ST8SIA6: variants seen among roughly 807,000 people sequenced by gnomAD.
ST8SIA6 encodes alpha-2,8-sialyltransferase 8F.
Under a neutral mutation model 33.6 loss-of-function variants are expected in ST8SIA6, and 39 were observed. That is an observed-to-expected ratio of 1.16 (90% CI 0.90 to 1.52). The LOEUF (loss-of-function observed/expected upper bound fraction) is 1.52, where lower values mean the gene tolerates loss of function less well. ST8SIA6 is among the 40% of genes most tolerant of loss of function. ST8SIA6 has a pLI of 0.00. For synonymous variants in ST8SIA6, 172 were observed against 167.2 expected (o/e 1.03, Z -0.22); for missense variants, 441 against 443.8 (o/e 0.99, Z 0.06).
At chr10:17,437,661 C>T (rs1564464622) in intron 2 of ST8SIA6, among the ~76,000 whole-genome samples, 3 of 112,762 alleles carry the variant, frequency 2.7e-5, no homozygotes, top group African/African-American at 1.3e-4. Context: ...TTCCTTCCTT[C>T]CTTCTGTCTC....
intron 4 of ST8SIA6, among the ~76,000 whole-genome samples, chr10:17,343,040 C>T (rs1005358069): frequency 1.3e-5 from 2 of 152,202 alleles, no homozygotes; most frequent in South Asian, 2.1e-4. Context: ...CCTCAGTACT[C>T]CCAGAGCAAA....
chr10:17,334,330 G>C (rs752965572), intron 4 of ST8SIA6, among the ~76,000 whole-genome samples: 21 of 151,378 alleles, frequency 1.4e-4, no homozygotes, highest in Non-Finnish European at 2.9e-4. Context: ...ACGAGGTCAG[G>C]AGATCGAGAC....
chr10:17,343,771 G>A (rs1848747738), intron 4 of ST8SIA6, among the ~76,000 whole-genome samples: 2 of 152,124 alleles, frequency 1.3e-5, no homozygotes, highest in Admixed American at 1.3e-4. Flanking sequence ...CAGATAGAAC[G>A]TTCTACAGAA....
At chr10:17,359,185 G>A (rs1326429350) in intron 4 of ST8SIA6, among the ~76,000 whole-genome samples, 1 of 152,156 alleles carries the variant, frequency 6.6e-6, no homozygotes, top group Non-Finnish European at 1.5e-5. Context: ...TTAATACGAT[G>A]ACATTTTATT....
chr10:17,315,539 A>G lies in ST8SIA6; in HGVS notation c.*5339T>C, dbSNP rs1040810754. On this transcript the variant is annotated 3_prime_UTR_variant, in exon 8 of 8. Coordinates refer to ENST00000377602, the MANE Select transcript of ST8SIA6 (RefSeq NM_001004470.3). ...TCCATATAACATAATTCTACTCAGT[A>G]AATAAAGGCATAAACTACAGATACA... Among the ~76,000 whole-genome samples, 1 of 152,082 alleles carries G rather than the reference A, an allele frequency of 6.6e-6. No homozygotes were observed. The highest frequency in any genetic ancestry group is 1.5e-5 in the Non-Finnish European group (1 of 67,908).
intron 4 of ST8SIA6, among the ~76,000 whole-genome samples, chr10:17,337,146 T>G (rs1443176053): frequency 7.7e-6 from 1 of 129,926 alleles, no homozygotes; most frequent in Non-Finnish European, 1.6e-5. Flanking sequence ...GCACCTCCCC[T>G]TCTCTCTCTT....
chr10:17,340,629 G>T (rs567818896), intron 4 of ST8SIA6, among the ~76,000 whole-genome samples: 1 of 152,220 alleles, frequency 6.6e-6, no homozygotes, highest in Non-Finnish European at 1.5e-5. Flanking sequence ...AAGTAAAATT[G>T]CCTTGCTGAG....
At chr10:17,360,148 A>G (rs1564421149) in intron 3 of ST8SIA6, among the ~76,000 whole-genome samples, 1 of 152,168 alleles carries the variant, frequency 6.6e-6, no homozygotes, top group Non-Finnish European at 1.5e-5. Flanking sequence ...ACTGAGCAGG[A>G]TCCCAGTCCC....
Position 17,321,073 on chromosome 10 carries a change from C to T in ST8SIA6, c.1002G>A (p.Leu334=), listed in dbSNP as rs866835580. The change falls in exon 8 of 8, where the codon CTG becomes CTA. Residue 334 remains leucine, a synonymous_variant. Coordinates refer to ENST00000377602, the MANE Select transcript of ST8SIA6 (RefSeq NM_001004470.3). ...ATCCATACAGCTTCACATTTTTACA[C>T]AGTTCCACTGCAACACTTGTGATCA... ...GLMITSVAVE[L]CKNVKLYGFW... is the part of the protein sequence containing the mutation. 3 of 1,614,098 alleles carry T rather than the reference C, an allele frequency of 1.9e-6. No individual in the cohort carries two copies. Among genetic ancestry groups the T allele is most frequent in the Admixed American group, 1.7e-5 (1 of 59,988 alleles).
rs1848381258 is a variant in ST8SIA6, at chr10:17,333,690, T to TATATATAGATATAG, written c.378-2139_378-2138insCTATATCTATATAT. On this transcript the variant is annotated intron_variant, in intron 4 of 7. Coordinates refer to ENST00000377602, the MANE Select transcript of ST8SIA6 (RefSeq NM_001004470.3). ...GTGCTGGGATATATATATATATATA[T>TATATATAGATATAG]ATATATATATATATATATATATATA... Among the ~76,000 whole-genome samples, 8 of 39,168 alleles carry TATATATAGATATAG rather than the reference T, an allele frequency of 2.0e-4. 1 individual carries two copies. The South Asian group carries it at 8.9e-3, about 44-fold the overall frequency. 25.7% of individuals were successfully genotyped at this position (39,168 alleles called of 152,430 possible).
At chr10:17,334,619 C>G (rs961436220) in intron 4 of ST8SIA6, among the ~76,000 whole-genome samples, 2 of 149,888 alleles carry the variant, frequency 1.3e-5, no homozygotes, top group Admixed American at 6.6e-5. Context: ...GTCACTAAAA[C>G]AATACATAAT....
intron 2 of ST8SIA6, among the ~76,000 whole-genome samples, chr10:17,437,452 G>A (rs1261564456): frequency 6.6e-6 from 1 of 152,168 alleles, no homozygotes; most frequent in African/African-American, 2.4e-5. Flanking sequence ...GATTACAGGT[G>A]TAAGCCACCA....
chr10:17,355,045 A>G lies in ST8SIA6; in HGVS notation c.377+4469T>C, dbSNP rs574934758. Among the ~76,000 whole-genome samples the G allele has an allele frequency of 3.9e-5, 6 of 152,244 alleles. No individual in the cohort carries two copies. In the South Asian group the frequency reaches 1.2e-3, roughly 32 times the overall value. ...TTAGGAATCTATAAAAAGAGGACAA[A>G]CCCCCTCGTAGCACAACAAGAAAGT... On this transcript the variant is annotated intron_variant, in intron 4 of 7. Transcript: ENST00000377602.
rs750709709 is a variant in ST8SIA6 at position 17,321,340 on chromosome 10, C to G, written c.735G>C (p.Gly245=). ...INPSIITLKY[G]NLKEKKALFL... ...ATAGGGCTTTTTTTTCCTTTAAGTT[C>G]CCATATCTGCCAAATTAAAAAAAAA... is the stretch of plus-strand genomic sequence containing the variant. Residue 245 remains glycine (G), a synonymous_variant, in exon 8 of 8, where the codon GGG becomes GGC. Coordinates refer to ENST00000377602, the MANE Select transcript of ST8SIA6 (RefSeq NM_001004470.3). 6.3e-7 allele frequency: 1 copy of G among 1,581,784 alleles called. No individual in the cohort carries two copies. The highest frequency in any genetic ancestry group is 1.4e-5 in the African/African-American group (1 of 72,608).
At position 17,320,773 on chromosome 10, in the gene ST8SIA6, G is replaced by GTCAAACCAA; in HGVS notation, c.*104_*105insTTGGTTTGA. 1 of 1,212,934 alleles carries GTCAAACCAA rather than the reference G, an allele frequency of 8.2e-7. No individual in the cohort carries two copies. The highest frequency in any genetic ancestry group is 1.5e-5 in the African/African-American group (1 of 65,214). The allele number at this position is 1,212,934 out of a possible 1,614,324, so 75.1% of individuals were successfully genotyped here. A position where few individuals can be genotyped will look rare whatever the true frequency, so the allele number is the denominator to read the frequency against. ...GAAGCTTTGGTCAAACCAAATTTTG[G>GTCAAACCAA]GGCTCATCTCAAAATACTCTTTAGC... On this transcript the variant is annotated 3_prime_UTR_variant, in exon 8 of 8. Transcript: ENST00000377602.
At chr10:17,450,316 A>G (rs1435041988) in intron 2 of ST8SIA6, among the ~76,000 whole-genome samples, 10 of 152,214 alleles carry the variant, frequency 6.6e-5, no homozygotes, top group Non-Finnish European at 1.5e-4. Context: ...GAGTGCCTGG[A>G]CACCGGATGG....
chr10:17,414,060 TC>T (rs1851533689), intron 2 of ST8SIA6, among the ~76,000 whole-genome samples: 1 of 152,328 alleles, frequency 6.6e-6, no homozygotes, highest in African/African-American at 2.4e-5. Flanking sequence ...CCTCCTATCT[TC>T]ATTTCCCTCC....
intron 4 of ST8SIA6, among the ~76,000 whole-genome samples, chr10:17,345,936 G>T (rs562007720): frequency 3.9e-5 from 6 of 152,222 alleles, no homozygotes; most frequent in African/African-American, 1.4e-4. Context: ...AAATTCCTCC[G>T]CTTGAATCGG....
At chr10:17,333,717 A>ATTTTTTTTTTT (rs71392102) in intron 4 of ST8SIA6, among the ~76,000 whole-genome samples, 5 of 33,772 alleles carry the variant, frequency 1.5e-4, no homozygotes, top group African/African-American at 5.2e-4. Context: ...ATATATATAT[A>ATTTTTTTTTTT]TTTTTTTTTT....
Sources: allele counts gnomAD v4.1 joint callset (sites outside exome capture counted in the v4.1 genomes callset), GRCh38; gene constraint gnomAD v4.1.1; transcripts MANE v1.5; gene names NCBI Gene and HGNC (gene_info 2026-07-23, HGNC 2026-07-21).